GNA14: variants seen among roughly 807,000 people sequenced by gnomAD.
GNA14 encodes the protein guanine nucleotide-binding protein subunit alpha-14.
Under a neutral mutation model 42.0 loss-of-function variants are expected in GNA14, and 50 were observed. The observed-to-expected ratio is 1.19, with a 90% CI of 0.95 to 1.51. The LOEUF is 1.51. Ranked by LOEUF, GNA14 falls within the 40% of genes most tolerant of loss-of-function variation. The pLI is 0.00. For synonymous variants in GNA14, 173 were observed against 163.1 expected (o/e 1.06, Z -0.46); for missense variants, 473 against 446.2 (o/e 1.06, Z -0.54).
intron 2 of GNA14, among the ~76,000 whole-genome samples, chr9:77,470,751 C>T (rs1275478320): frequency 6.6e-6 from 1 of 152,074 alleles, no homozygotes; most frequent in Non-Finnish European, 1.5e-5. Context: ...ACAGGCTGTA[C>T]AAGAAGCATG....
intron 1 of GNA14, among the ~76,000 whole-genome samples, chr9:77,552,791 T>C (rs1411667375): frequency 1.3e-5 from 2 of 152,344 alleles, no homozygotes; most frequent in African/African-American, 2.4e-5. Flanking sequence ...TGGGTTCTTA[T>C]AGCCAAATAC....
chr9:77,501,270 G>C (rs1052449494), intron 2 of GNA14, among the ~76,000 whole-genome samples: 4 of 152,048 alleles, frequency 2.6e-5, no homozygotes, highest in Non-Finnish European at 5.9e-5. Context: ...CTTAATATAA[G>C]AAACTGCCAA....
intron 1 of GNA14, among the ~76,000 whole-genome samples, chr9:77,611,908 T>C (rs947327281): frequency 6.6e-6 from 1 of 152,126 alleles, no homozygotes; most frequent in Admixed American, 6.6e-5. Flanking sequence ...GCTCTCATGA[T>C]CTAGAAGTTC....
chr9:77,630,680 A>G (rs1373809284), intron 1 of GNA14, among the ~76,000 whole-genome samples: 1 of 152,230 alleles, frequency 6.6e-6, no homozygotes, highest in Non-Finnish European at 1.5e-5. Flanking sequence ...TATAAAAATT[A>G]AAATGAGCAT....
Position 77,464,349 on chromosome 9 carries a change from ATATG to A in GNA14, c.310-29831_310-29828del, listed in dbSNP as rs1191153257. ...TATATATATGTGTGTGTGTGTGTGT[ATATG>A]TGTGTGTGTGTGTGTGTGTGTGTGT... is the stretch of plus-strand genomic sequence containing the variant. On this transcript the variant is annotated intron_variant, in intron 2 of 6. Transcript: ENST00000341700. Among the ~76,000 whole-genome samples the A allele has an allele frequency of 1.8e-3, 185 of 102,060 alleles. No individual in the cohort carries two copies. The East Asian group carries it at 0.021, about 12-fold the overall frequency. 67.0% of individuals were successfully genotyped at this position (102,060 alleles called of 152,430 possible).
chr9:77,594,057 G>C (rs945699261), intron 1 of GNA14, among the ~76,000 whole-genome samples: 2 of 152,196 alleles, frequency 1.3e-5, no homozygotes, highest in African/African-American at 4.8e-5. Flanking sequence ...TCATCTGCTG[G>C]ATTCTCTGTA....
intron 1 of GNA14, among the ~76,000 whole-genome samples, chr9:77,612,530 C>T (rs1408774252): frequency 6.6e-6 from 1 of 151,984 alleles, no homozygotes; most frequent in Non-Finnish European, 1.5e-5. Context: ...ATACTAAAAC[C>T]TAAAATGTAA....
chr9:77,540,820 C>A (rs1837650733), intron 1 of GNA14, among the ~76,000 whole-genome samples: 1 of 152,056 alleles, frequency 6.6e-6, no homozygotes, highest in Non-Finnish European at 1.5e-5. Flanking sequence ...CTTTTTCTAT[C>A]CCTTTATTGT....
chr9:77,554,358 A>G (rs1822731025), intron 1 of GNA14, among the ~76,000 whole-genome samples: 1 of 152,224 alleles, frequency 6.6e-6, no homozygotes, highest in African/African-American at 2.4e-5. Context: ...TATGCACAAG[A>G]AAGTAAACAC....
At chr9:77,573,157 C>A (rs2131797427) in intron 1 of GNA14, among the ~76,000 whole-genome samples, 1 of 152,168 alleles carries the variant, frequency 6.6e-6, no homozygotes, top group East Asian at 1.9e-4. Context: ...AAGTAAAGAT[C>A]TAGGTTTCAG....
At chr9:77,590,560 C>A (rs1263996583) in intron 1 of GNA14, among the ~76,000 whole-genome samples, 3 of 152,158 alleles carry the variant, frequency 2.0e-5, no homozygotes, top group African/African-American at 7.2e-5. Context: ...TGCTGTCCCC[C>A]ACATCTGCTC....
rs372506319 is a variant in GNA14 at position 77,616,802 on chromosome 9, T to TGTTA, written c.124+30864_124+30867dup. 1.6e-4 allele frequency among the ~76,000 whole-genome samples: 25 copies of TGTTA among 152,308 alleles called. No individual in the cohort carries two copies. The East Asian group carries it at 3.5e-3, about 21-fold the overall frequency. On this transcript the variant is annotated intron_variant, in intron 1 of 6. Transcript: ENST00000341700. ...CAATAACTCCACCTCCAGCTCTCTG[T>TGTTA]GTTAGGGCAAAGTCCCTTCTCCAAA...
At chr9:77,438,879 T>A (rs2131695588) in intron 2 of GNA14, among the ~76,000 whole-genome samples, 1 of 152,294 alleles carries the variant, frequency 6.6e-6, no homozygotes, top group South Asian at 2.1e-4. Flanking sequence ...TCGTGCATAA[T>A]CACAGTATAA....
At chr9:77,486,782 T>G (rs1421440385) in intron 2 of GNA14, among the ~76,000 whole-genome samples, 1 of 152,144 alleles carries the variant, frequency 6.6e-6, no homozygotes, top group Non-Finnish European at 1.5e-5. Flanking sequence ...ATATACACAA[T>G]GTTTATTGAC....
chr9:77,628,830 A>G (rs60016538), intron 1 of GNA14, among the ~76,000 whole-genome samples: 2 of 152,206 alleles, frequency 1.3e-5, no homozygotes, highest in Non-Finnish European at 2.9e-5. Context: ...AGACATAGGC[A>G]AAGACTTCAT....
At chr9:77,455,745 C>T (rs896428945) in intron 2 of GNA14, among the ~76,000 whole-genome samples, 3 of 152,162 alleles carry the variant, frequency 2.0e-5, no homozygotes, top group Non-Finnish European at 4.4e-5. Flanking sequence ...GTAGGTTTTG[C>T]CTTGTGGTCC....
intron 5 of GNA14, 98 bp downstream of exon 5, chr9:77,428,809 C>T: frequency 8.3e-7 from 1 of 1,204,340 alleles, no homozygotes; most frequent in Non-Finnish European, 1.2e-6. Flanking sequence ...ACTGTTTGAC[C>T]TAATGACGAG....
intron 1 of GNA14, among the ~76,000 whole-genome samples, chr9:77,602,189 G>A (rs769389250): frequency 1.3e-5 from 2 of 152,288 alleles, no homozygotes; most frequent in Non-Finnish European, 1.5e-5. Flanking sequence ...GCTGACTGCC[G>A]TAAAGCTTGA....
intron 1 of GNA14, among the ~76,000 whole-genome samples, chr9:77,582,315 T>A (rs1564059153): frequency 6.6e-6 from 1 of 152,168 alleles, no homozygotes; most frequent in Non-Finnish European, 1.5e-5. Flanking sequence ...CTTTCCTTTC[T>A]GTGGTGTAAC....
Sources: gnomAD v4.1 joint callset for allele counts (sites outside exome capture counted in the v4.1 genomes callset) on GRCh38, gnomAD v4.1.1 for gene constraint, MANE v1.5 for transcripts, NCBI Gene and HGNC (gene_info 2026-07-23, HGNC 2026-07-21) for gene names.